CTDSP2: variants seen among roughly 807,000 people sequenced by gnomAD.
CTDSP2 encodes the protein CTD small phosphatase 2.
CTDSP2 carries 9 observed loss-of-function variants against 31.6 expected under a neutral mutation model. The ratio of observed to expected loss-of-function variants is 0.28; its 90% CI spans 0.17 to 0.50. CTDSP2 has a LOEUF of 0.50. Among genes scored for constraint, CTDSP2 ranks in the 20% least tolerant of loss-of-function variants. The probability of loss-of-function intolerance (pLI) is 0.98; values close to 1 mark genes in which losing one functional copy is unlikely to be tolerated. For missense variants in CTDSP2, 267 were observed against 348.5 expected, an observed-to-expected ratio of 0.77 and a Z score of 1.86; for synonymous variants, 134 against 134.5, an observed-to-expected ratio of 1.00 and a Z score of 0.03.
At chr12:57,835,414 C>G (rs894178550) in intron 1 of CTDSP2, among the ~76,000 whole-genome samples, 2 of 152,100 alleles carry the variant, frequency 1.3e-5, no homozygotes, top group Non-Finnish European at 2.9e-5. Flanking sequence ...GCCTCATCCT[C>G]TCAAAGTGCT....
rs771227523 is a variant in CTDSP2, at chr12:57,823,743, TGTG to T, written c.691-19_691-17del. Reference sequence around the variant, plus strand: ...GCACAGGCACCTGGTGGGGGGAAGATGTGGTGTCAATCTCCCGACTGCTGCTTC... The same window carrying T: ...GCACAGGCACCTGGTGGGGGGAAGATGTGTCAATCTCCCGACTGCTGCTTC... On this transcript the variant is annotated splice_polypyrimidine_tract_variant and intron_variant, in intron 7 of 7. Transcript: ENST00000398073. 7 of 1,613,530 alleles carry T rather than the reference TGTG, an allele frequency of 4.3e-6. No homozygotes were observed. The highest frequency in any genetic ancestry group is 3.3e-5 in the South Asian group (3 of 91,072).
At chr12:57,833,234 C>T (rs932999856) in intron 1 of CTDSP2, among the ~76,000 whole-genome samples, 27 of 152,206 alleles carry the variant, frequency 1.8e-4, no homozygotes, top group African/African-American at 3.9e-4. Context: ...GGCTTGCGCC[C>T]GCTGCAGGGA....
At chr12:57,836,472 C>A (rs1052608059) in intron 1 of CTDSP2, among the ~76,000 whole-genome samples, 5 of 152,040 alleles carry the variant, frequency 3.3e-5, no homozygotes, top group African/African-American at 1.2e-4. Flanking sequence ...CCAGCCTGAG[C>A]AACATGGCAA....
rs1284935886 is a variant in CTDSP2, at chr12:57,822,069, A to G, written c.*1533T>C. The G allele has an allele frequency of 6.6e-6, 1 of 151,038 alleles. No homozygotes were observed. The highest frequency in any genetic ancestry group is 2.4e-5 in the African/African-American group (1 of 41,310). 9.4% of individuals were successfully genotyped at this position (151,038 alleles called of 1,614,324 possible). On this transcript the variant is annotated 3_prime_UTR_variant, in exon 8 of 8. Coordinates refer to ENST00000398073, the MANE Select transcript of CTDSP2 (RefSeq NM_005730.4). The stretch of plus-strand genomic sequence containing the variant: ...GCTTTGTGATACCTGCCTCCAGGGA[A>G]CACAGAGATGGGAACAGGAGCGCCC...
chr12:57,827,089 C>T lies in CTDSP2; in HGVS notation c.261G>A (p.Gly87=), dbSNP rs76678169. The T allele has an allele frequency of 6.2e-6, 10 of 1,613,058 alleles. No individual in the cohort carries two copies. The highest frequency in any genetic ancestry group is 7.6e-6 in the Non-Finnish European group (9 of 1,179,662). ...CLQYQFYQIP[G]TCLLPEVTEE... is the part of the protein sequence containing the mutation. Reference sequence around the variant, plus strand: ...CTGTCACCTCTGGGAGCAGGCAGGTCCCTGGGATCTAAAACCAAGCCAGGT... The same window carrying T: ...CTGTCACCTCTGGGAGCAGGCAGGTTCCTGGGATCTAAAACCAAGCCAGGT... The change falls in exon 4 of 8, where the codon GGG becomes GGA. Residue 87 remains glycine (G), a synonymous_variant. Coordinates refer to ENST00000398073, the MANE Select transcript of CTDSP2 (RefSeq NM_005730.4).
rs892303256 is a variant in CTDSP2, at chr12:57,819,956, TATTA to T, written c.*3642_*3645del. On this transcript the variant is annotated 3_prime_UTR_variant, in exon 8 of 8. Coordinates refer to ENST00000398073, the MANE Select transcript of CTDSP2 (RefSeq NM_005730.4). ...TGGAAAGGTTTTTTAAACCCACTTT[TATTA>T]ATTAATTGTAAGTAATACAAATATT... 12 of 152,680 alleles carry T rather than the reference TATTA, an allele frequency of 7.9e-5. No individual in the cohort carries two copies. The highest frequency in any genetic ancestry group is 2.6e-4 in the Admixed American group (4 of 15,284). 9.5% of individuals were successfully genotyped at this position (152,680 alleles called of 1,614,324 possible).
chr12:57,842,808 A>AT (rs2140485759), intron 1 of CTDSP2: 1 of 152,344 alleles, frequency 6.6e-6, no homozygotes, highest in East Asian at 1.9e-4. Flanking sequence ...ATAGCAAGCT[A>AT]TGGAAGGAAG....
Position 57,823,186 on chromosome 12 carries a change from G to A in CTDSP2, c.*416C>T, listed in dbSNP as rs796734487. On this transcript the variant is annotated 3_prime_UTR_variant, in exon 8 of 8. Transcript: ENST00000398073. The stretch of plus-strand genomic sequence containing the variant: ...ATAGGCCTTACAACACTGAGGAAAG[G>A]CCATGGTTTGGCAATGGAGTCTTCA... The A allele has an allele frequency of 4.8e-6, 1 of 208,152 alleles. No homozygotes were observed. Among genetic ancestry groups the A allele is most frequent in the Non-Finnish European group, 1.0e-5 (1 of 100,172 alleles). The allele number at this position is 208,152 out of a possible 1,614,324, so 12.9% of individuals were successfully genotyped here.
Position 57,823,453 on chromosome 12 carries a change from A to G in CTDSP2, c.*149T>C, listed in dbSNP as rs548384992. On this transcript the variant is annotated 3_prime_UTR_variant, in exon 8 of 8. Coordinates refer to ENST00000398073, the MANE Select transcript of CTDSP2 (RefSeq NM_005730.4). ...TCTGGCATTCGCCCACTCGGCATCT[A>G]AGCTGTCCTAAAGCTCTTTCCAGTT... 1 of 877,558 alleles carries G rather than the reference A, an allele frequency of 1.1e-6. No homozygotes were observed. Among genetic ancestry groups the G allele is most frequent in the South Asian group, 1.7e-5 (1 of 58,974 alleles). The allele number at this position is 877,558 out of a possible 1,614,324, so 54.4% of individuals were successfully genotyped here. A position where few individuals can be genotyped will look rare whatever the true frequency, so the allele number is the denominator to read the frequency against.
rs1956320501 is a variant in CTDSP2, at chr12:57,846,723, A to G, written c.-288T>C. On this transcript the variant is annotated 5_prime_UTR_variant, in exon 1 of 8. Transcript: ENST00000398073. ...CCAACATGGAGAATCCGGAGCGAAA[A>G]CAAGAGGAGGAAATGGGACACGGGG... is the stretch of plus-strand genomic sequence containing the variant. 1 of 330,066 alleles carries G rather than the reference A, an allele frequency of 3.0e-6. No individual in the cohort carries two copies. The highest frequency in any genetic ancestry group is 2.2e-5 in the African/African-American group (1 of 45,976). 20.4% of individuals were successfully genotyped at this position (330,066 alleles called of 1,614,324 possible).
intron 1 of CTDSP2, among the ~76,000 whole-genome samples, chr12:57,830,333 C>T (rs1384311438): frequency 6.6e-6 from 1 of 152,000 alleles, no homozygotes; most frequent in Non-Finnish European, 1.5e-5. Context: ...TGCAGTGAGC[C>T]AAGATCGCGC....
At position 57,823,486 on chromosome 12, in the gene CTDSP2, G is replaced by T; in HGVS notation, c.*116C>A. 1 of 1,230,780 alleles carries T rather than the reference G, an allele frequency of 8.1e-7. No homozygotes were observed. Among genetic ancestry groups the T allele is most frequent in the Non-Finnish European group, 1.1e-6 (1 of 883,106 alleles). 76.2% of individuals were successfully genotyped at this position (1,230,780 alleles called of 1,614,324 possible). A position where few individuals can be genotyped will look rare whatever the true frequency, so the allele number is the denominator to read the frequency against. ...CTAAAGCTCTTTCCAGTTACTTCCC[G>T]CTGTTTCCGGGCCGTGTGGTGAGGC... On this transcript the variant is annotated 3_prime_UTR_variant, in exon 8 of 8. Coordinates refer to ENST00000398073, the MANE Select transcript of CTDSP2 (RefSeq NM_005730.4).
At chr12:57,827,314 C>T in intron 3 of CTDSP2, 1 of 628,362 alleles carries the variant, frequency 1.6e-6, no homozygotes, top group Non-Finnish European at 2.8e-6. Flanking sequence ...AGGTGGTGGC[C>T]AGGGCAGGTG....
chr12:57,835,133 A>G (rs1956239697), intron 1 of CTDSP2, among the ~76,000 whole-genome samples: 1 of 151,532 alleles, frequency 6.6e-6, no homozygotes, highest in Non-Finnish European at 1.5e-5. Context: ...CAAAAAAAAA[A>G]AAAAAGGAAA....
chr12:57,834,542 GGAA>G (rs1956235253), intron 1 of CTDSP2, among the ~76,000 whole-genome samples: 1 of 152,248 alleles, frequency 6.6e-6, no homozygotes, highest in Non-Finnish European at 1.5e-5. Context: ...GGGCAGAGGA[GGAA>G]GGAGGGGTTG....
chr12:57,836,801 G>A (rs997095564), intron 1 of CTDSP2, among the ~76,000 whole-genome samples: 2 of 152,170 alleles, frequency 1.3e-5, no homozygotes, highest in Admixed American at 1.3e-4. Context: ...CCCAGCAAAG[G>A]AACTCCTCAC....
chr12:57,827,485 G>GC, intron 3 of CTDSP2, 67 bp downstream of exon 3: 1 of 1,556,108 alleles, frequency 6.4e-7, no homozygotes, highest in African/African-American at 1.4e-5. Flanking sequence ...ACATCACCCT[G>GC]CCCGTGGAGC....
chr12:57,844,620 G>A (rs1459716513), intron 1 of CTDSP2, among the ~76,000 whole-genome samples: 1 of 152,052 alleles, frequency 6.6e-6, no homozygotes, highest in Non-Finnish European at 1.5e-5. Flanking sequence ...GGATAAAAAG[G>A]GAGTGGGAAG....
rs1487840820 is a variant in CTDSP2, at chr12:57,823,139, ATACCC to A, written c.*458_*462del. ...GTGTGTGCCTGGAGTACCCAAAGGC[ATACCC>A]TTCCTTTATCCTTGGCATAGGCCTT... On this transcript the variant is annotated 3_prime_UTR_variant, in exon 8 of 8. Transcript: ENST00000398073. The A allele has an allele frequency of 1.2e-5, 2 of 167,884 alleles. No individual in the cohort carries two copies. Among genetic ancestry groups the A allele is most frequent in the Non-Finnish European group, 2.6e-5 (2 of 76,190 alleles). The allele number at this position is 167,884 out of a possible 1,614,324, so 10.4% of individuals were successfully genotyped here.
Sources: gnomAD v4.1 joint callset for allele counts (sites outside exome capture counted in the v4.1 genomes callset) on GRCh38, gnomAD v4.1.1 for gene constraint, MANE v1.5 for transcripts, NCBI Gene and HGNC (gene_info 2026-07-23, HGNC 2026-07-21) for gene names.